TTC27: variants seen among roughly 807,000 people sequenced by gnomAD.
The protein encoded by TTC27 is tetratricopeptide repeat protein 27.
In TTC27, 79 loss-of-function variants were observed where a neutral mutation model predicts 115.9. That is an observed-to-expected ratio of 0.68 (90% confidence interval 0.57 to 0.82). The LOEUF is 0.82. Ranked by LOEUF, TTC27 falls within the 40% of genes least tolerant of loss-of-function variation. The pLI, the probability that TTC27 is intolerant of heterozygous loss-of-function variation, is 0.00. For synonymous variants in TTC27, 401 were observed against 356.0 expected, an observed-to-expected ratio of 1.13 and a Z score of -1.42; for missense variants, 1,054 against 993.1, an observed-to-expected ratio of 1.06 and a Z score of -0.82.
chr2:32,691,178 T>C (rs955997871), intron 9 of TTC27, among the ~76,000 whole-genome samples: 2 of 152,216 alleles, frequency 1.3e-5, no homozygotes, highest in African/African-American at 4.8e-5. Context: ...TTGATGATGG[T>C]ACAGAATTTT....
In TTC27 at chr2:32,806,612, C is replaced by T. The variant is rs572033018; in HGVS notation, c.1999-4412C>T. ...TGGCTAACACGGTGAAACCCCATCT[C>T]TACTAAAAATACAGAAAAAATTAGC... On this transcript the variant is annotated intron_variant, in intron 16 of 19. Transcript: ENST00000317907. Among the ~76,000 whole-genome samples, 8 of 152,198 alleles carry T rather than the reference C, an allele frequency of 5.3e-5. No individual in the cohort carries two copies. In the East Asian group the frequency reaches 9.7e-4, roughly 18 times the overall value.
At position 32,817,534 on chromosome 2, in the gene TTC27, C is replaced by T. The variant is rs532492634; in HGVS notation, c.2386C>T (p.Arg796Trp). 26 of 1,613,988 alleles carry T rather than the reference C, an allele frequency of 1.6e-5. No individual in the cohort carries two copies. The highest frequency in any genetic ancestry group is 1.7e-4 in the Middle Eastern group (1 of 6,060). ...GCTTTCTTCTGTTCGACTCAATTTA[C>T]GGGGCTTGTTATCTAAAGCAAAGGT... ...QMLSSVRLNL[R>W]GLLSKAKQLF... The change falls in exon 19 of 20, where the codon CGG (arginine) becomes TGG (tryptophan). Residue 796 changes from arginine to tryptophan, a missense_variant. By Grantham distance (101) the Arg-to-Trp change is moderately radical. Coordinates refer to ENST00000317907, the MANE Select transcript of TTC27 (RefSeq NM_017735.5).
rs1250094192 is a variant in TTC27, at chr2:32,628,263, C to G, written c.-30C>G. ...GACTCCCGTGTGGCCCTCGTGGGAG[C>G]CTGTTTTGGCTGCAGCGGTGTCTGG... On this transcript the variant is annotated 5_prime_UTR_variant, in exon 1 of 20. Coordinates refer to ENST00000317907, the MANE Select transcript of TTC27 (RefSeq NM_017735.5). The G allele has an allele frequency of 1.6e-5, 26 of 1,589,864 alleles. No individual in the cohort carries two copies. The highest frequency in any genetic ancestry group is 1.7e-4 in the Middle Eastern group (1 of 6,028).
intron 10 of TTC27, among the ~76,000 whole-genome samples, chr2:32,704,275 C>T (rs919692495): frequency 6.6e-6 from 1 of 152,046 alleles, no homozygotes; most frequent in African/African-American, 2.4e-5. Context: ...CAACCTCTAC[C>T]TCTGGGGTTC....
At chr2:32,708,311 T>G (rs1346815140) in intron 10 of TTC27, among the ~76,000 whole-genome samples, 1 of 130,888 alleles carries the variant, frequency 7.6e-6, no homozygotes, top group East Asian at 2.2e-4. Flanking sequence ...CTTGTTTTTT[T>G]TTTTTTTTTT....
At chr2:32,767,453 G>GTTTT (rs397754905) in intron 13 of TTC27, among the ~76,000 whole-genome samples, 1,421 of 114,224 alleles carry the variant, frequency 0.012, 85 homozygotes, top group Non-Finnish European at 0.018. Flanking sequence ...GTTTTTTTTT[G>GTTTT]TTTTTTTTTT....
chr2:32,693,451 G>C (rs1354708022), intron 9 of TTC27, among the ~76,000 whole-genome samples: 2 of 152,186 alleles, frequency 1.3e-5, no homozygotes, highest in Non-Finnish European at 2.9e-5. Context: ...ACAAGCTCTT[G>C]AAGTTATTTT....
At chr2:32,723,859 G>T (rs1668021603) in intron 10 of TTC27, among the ~76,000 whole-genome samples, 1 of 150,214 alleles carries the variant, frequency 6.7e-6, no homozygotes, top group Non-Finnish European at 1.5e-5. Flanking sequence ...GAGTGCAGTG[G>T]CATAATCATA....
At position 32,735,327 on chromosome 2, in the gene TTC27, G is replaced by A. The variant is rs73922794; in HGVS notation, c.1330-1367G>A. Among the ~76,000 whole-genome samples, 386 of 152,226 alleles carry A rather than the reference G, an allele frequency of 2.5e-3. 2 individuals are homozygous for A. The highest frequency in any genetic ancestry group is 8.9e-3 in the African/African-American group (368 of 41,516). On this transcript the variant is annotated intron_variant, in intron 11 of 19. Coordinates refer to ENST00000317907, the MANE Select transcript of TTC27 (RefSeq NM_017735.5). ...TAGTGTGTTTTTGACTCTGATCTGT[G>A]AAATTGGTTAGGTGCTTTATATTAT...
intron 16 of TTC27, among the ~76,000 whole-genome samples, chr2:32,795,713 C>T (rs1055866929): frequency 4.8e-4 from 43 of 90,354 alleles, no homozygotes; most frequent in Middle Eastern, 6.3e-3. Flanking sequence ...TCACCATGCC[C>T]GGCTAATTTT....
rs532905663 is a variant in TTC27 at position 32,778,309 on chromosome 2, C to CT, written c.1779+334dup. 2.4e-3 allele frequency among the ~76,000 whole-genome samples: 366 copies of CT among 152,124 alleles called. 1 individual carries two copies. The highest frequency in any genetic ancestry group is 8.2e-3 in the African/African-American group (342 of 41,502). ...CTAGAAAGTTATTTTAGGGTGGAGT[C>CT]TTTTTATATTTGATAGTTTTATGAG... is the stretch of plus-strand genomic sequence containing the variant. On this transcript the variant is annotated intron_variant, in intron 14 of 19. Transcript: ENST00000317907.
chr2:32,751,005 C>A (rs1229903561), intron 12 of TTC27, among the ~76,000 whole-genome samples: 3 of 152,108 alleles, frequency 2.0e-5, no homozygotes, highest in Admixed American at 2.0e-4. Flanking sequence ...GGTTCTGAGG[C>A]AAGATAGGAC....
chr2:32,790,934 A>G (rs946888008), intron 16 of TTC27, among the ~76,000 whole-genome samples: 10 of 152,180 alleles, frequency 6.6e-5, no homozygotes, highest in Non-Finnish European at 1.3e-4. Context: ...ACCTATTAGA[A>G]TATCTCTTAT....
In TTC27 at chr2:32,650,184, G is replaced by A. The variant is rs769924668; in HGVS notation, c.591G>A (p.Glu197=). The change falls in exon 5 of 20, where the codon GAG becomes GAA. Residue 197 remains glutamate, a synonymous_variant. Transcript: ENST00000317907. ...TGAATATTCATCAGCATTTGCTTGA[G>A]GAACGCTCACCTCTGCTTTTTACTC... ...RCVNIHQHLL[E]ERSPLLFTLA... The A allele has an allele frequency of 5.5e-5, 89 of 1,613,730 alleles. 2 individuals carry two copies. The Middle Eastern group carries it at 8.2e-4, about 15-fold the overall frequency.
chr2:32,682,847 G>GTTTTTTTT (rs70938360), intron 9 of TTC27, among the ~76,000 whole-genome samples: 27 of 49,766 alleles, frequency 5.4e-4, no homozygotes, highest in East Asian at 1.4e-3. Flanking sequence ...TTTTATTGTT[G>GTTTTTTTT]TTTTTTTTTT....
chr2:32,681,765 T>G (rs1273192507), intron 9 of TTC27, among the ~76,000 whole-genome samples: 1 of 152,024 alleles, frequency 6.6e-6, no homozygotes, highest in Non-Finnish European at 1.5e-5. Flanking sequence ...CAGGTGTTAT[T>G]AAATGCATTT....
In TTC27 at chr2:32,642,306, T is replaced by C. The variant is rs112403519; in HGVS notation, c.537+1896T>C. On this transcript the variant is annotated intron_variant, in intron 4 of 19. Coordinates refer to ENST00000317907, the MANE Select transcript of TTC27 (RefSeq NM_017735.5). ...TCACTTTGTCACACAGACTGGAGTA[T>C]AGTAGTGTGATCTCGGCTCATTGCA... Among the ~76,000 whole-genome samples, 1,265 of 144,986 alleles carry C rather than the reference T, an allele frequency of 8.7e-3. 12 individuals carry two copies. Among genetic ancestry groups the C allele is most frequent in the Middle Eastern group, 0.023 (6 of 266 alleles).
chr2:32,809,007 A>C (rs1391859474), intron 16 of TTC27, among the ~76,000 whole-genome samples: 5 of 152,248 alleles, frequency 3.3e-5, no homozygotes, highest in Non-Finnish European at 7.3e-5. Flanking sequence ...AAAGGTACAC[A>C]TGTGGGATTG....
At chr2:32,764,731 C>T (rs1013363937) in intron 13 of TTC27, among the ~76,000 whole-genome samples, 3 of 152,250 alleles carry the variant, frequency 2.0e-5, no homozygotes, top group African/African-American at 4.8e-5. Context: ...TCTAACCCTG[C>T]TGCTACTTTA....
Sources: gnomAD v4.1 joint callset for allele counts (sites outside exome capture counted in the v4.1 genomes callset) on GRCh38, gnomAD v4.1.1 for gene constraint, MANE v1.5 for transcripts, NCBI Gene and HGNC (gene_info 2026-07-23, HGNC 2026-07-21) for gene names.